Variants in NRG3 observed in about 807,000 individuals in gnomAD.
NRG3 encodes the protein neuregulin 3, also known as pro-neuregulin-3, membrane-bound isoform.
Under a neutral mutation model 66.9 loss-of-function variants are expected in NRG3, and 31 were observed. That is an observed-to-expected ratio of 0.46 (90% confidence interval 0.35 to 0.63). The LOEUF (loss-of-function observed/expected upper bound fraction) is 0.63. Among genes scored for constraint, NRG3 ranks in the 20% least tolerant of loss-of-function variants. The probability of loss-of-function intolerance (pLI) is 0.00; values close to 1 mark genes in which losing one functional copy is unlikely to be tolerated. For missense variants in NRG3, 910 were observed against 878.9 expected (o/e 1.04, Z -0.45); for synonymous variants, 393 against 359.4 (o/e 1.09, Z -1.06).
chr10:82,935,345 C>T (rs1847959403), intron 4 of NRG3, among the ~76,000 whole-genome samples: 3 of 152,106 alleles, frequency 2.0e-5, no homozygotes, highest in African/African-American at 7.2e-5. Context: ...TTCCACACAC[C>T]TTACAGATGA....
intron 2 of NRG3, among the ~76,000 whole-genome samples, chr10:82,603,688 G>A (rs891765281): frequency 3.3e-5 from 5 of 152,072 alleles, no homozygotes; most frequent in African/African-American, 1.2e-4. Flanking sequence ...AAAGTCTCAG[G>A]TGAAGTTATT....
At position 82,159,081 on chromosome 10, in the gene NRG3, G is replaced by A. The variant is rs190615166; in HGVS notation, c.824-199658G>A. On this transcript the variant is annotated intron_variant, in intron 1 of 8. Coordinates refer to ENST00000372141, the MANE Select transcript of NRG3 (RefSeq NM_001010848.4). Reference sequence around the variant, plus strand: ...AGACAAACAAAAAATTAAAATAGAAGACCAACTATGAAAATAATGATTTGA... The same window carrying A: ...AGACAAACAAAAAATTAAAATAGAAAACCAACTATGAAAATAATGATTTGA... Among the ~76,000 whole-genome samples, 139 of 151,880 alleles carry A rather than the reference G, an allele frequency of 9.2e-4. 1 individual carries two copies. The highest frequency in any genetic ancestry group is 3.2e-3 in the African/African-American group (133 of 41,504).
intron 2 of NRG3, among the ~76,000 whole-genome samples, chr10:82,736,448 G>A (rs2644205): frequency 0.59 from 90,290 of 152,080 alleles, 27,168 homozygotes; most frequent in East Asian, 0.65. Context: ...GCAGTGACTC[G>A]CCTCCTTAAC....
chr10:82,692,716 C>G (rs1232576495), intron 2 of NRG3, among the ~76,000 whole-genome samples: 6 of 152,226 alleles, frequency 3.9e-5, no homozygotes, highest in Admixed American at 3.3e-4. Context: ...GGCAAGCCCC[C>G]TGTGCAGTTC....
chr10:82,758,527 T>C (rs2059170885), intron 3 of NRG3, among the ~76,000 whole-genome samples: 1 of 152,094 alleles, frequency 6.6e-6, no homozygotes, highest in Admixed American at 6.6e-5. Flanking sequence ...TTGCAAGATA[T>C]GATAAGACTC....
chr10:82,369,764 G>T (rs2135723403), intron 2 of NRG3, among the ~76,000 whole-genome samples: 1 of 138,894 alleles, frequency 7.2e-6, no homozygotes, highest in East Asian at 2.1e-4. Flanking sequence ...ATACTATGTG[G>T]ATTTTTCTTA....
chr10:82,779,701 T>C (rs1443857511), intron 3 of NRG3, among the ~76,000 whole-genome samples: 1 of 152,094 alleles, frequency 6.6e-6, no homozygotes, highest in African/African-American at 2.4e-5. Context: ...ATGTTTTCTA[T>C]TTCTTTAGTT....
intron 1 of NRG3, among the ~76,000 whole-genome samples, chr10:82,246,671 A>G (rs1188331916): frequency 6.6e-6 from 1 of 152,178 alleles, no homozygotes; most frequent in Non-Finnish European, 1.5e-5. Context: ...TCAAACACAG[A>G]GCAGAAAAAA....
chr10:82,843,415 C>T (rs924430333), intron 3 of NRG3, among the ~76,000 whole-genome samples: 4 of 152,142 alleles, frequency 2.6e-5, no homozygotes, highest in African/African-American at 9.7e-5. Context: ...CAATCCTAGA[C>T]TTTCCAGTCT....
chr10:82,566,660 A>T (rs537221578), intron 2 of NRG3, among the ~76,000 whole-genome samples: 140 of 152,142 alleles, frequency 9.2e-4, no homozygotes, highest in African/African-American at 3.2e-3. Flanking sequence ...ATTTGAAAAG[A>T]AAAGACCATG....
rs186773074 is a variant in NRG3 at position 82,301,950 on chromosome 10, A to C, written c.824-56789A>C. ...TCTGTTTAACAATCTTAGTTAATAG[A>C]CTACCTTTTGATATGAAAATTGACT... is the stretch of plus-strand genomic sequence containing the variant. On this transcript the variant is annotated intron_variant, in intron 1 of 8. Coordinates refer to ENST00000372141, the MANE Select transcript of NRG3 (RefSeq NM_001010848.4). Among the ~76,000 whole-genome samples, 13 of 151,996 alleles carry C rather than the reference A, an allele frequency of 8.6e-5. No individual in the cohort carries two copies. The East Asian group carries it at 2.5e-3, about 29-fold the overall frequency.
At chr10:81,935,061 C>G (rs1486781006) in intron 1 of NRG3, among the ~76,000 whole-genome samples, 1 of 152,134 alleles carries the variant, frequency 6.6e-6, no homozygotes, top group Non-Finnish European at 1.5e-5. Flanking sequence ...TTATTTTATT[C>G]ATGGATTAAA....
chr10:82,025,111 C>T (rs1393315822), intron 1 of NRG3, among the ~76,000 whole-genome samples: 1 of 151,772 alleles, frequency 6.6e-6, no homozygotes, highest in African/African-American at 2.4e-5. Context: ...GTTTTTATGT[C>T]ATTTCAAATA....
intron 3 of NRG3, among the ~76,000 whole-genome samples, chr10:82,847,111 G>A (rs111913096): frequency 1.3e-3 from 200 of 152,260 alleles, no homozygotes; most frequent in African/African-American, 4.5e-3. Context: ...AGCTGCCTTC[G>A]AATTGCAGGA....
intron 4 of NRG3, among the ~76,000 whole-genome samples, chr10:82,939,070 A>T (rs192924908): frequency 2.6e-5 from 4 of 152,334 alleles, no homozygotes. Flanking sequence ...TGTGGAAGAA[A>T]TAGCACTTGG....
chr10:82,888,279 G>A (rs898207470), intron 4 of NRG3, among the ~76,000 whole-genome samples: 2 of 152,070 alleles, frequency 1.3e-5, no homozygotes, highest in African/African-American at 2.4e-5. Flanking sequence ...CACTCACATA[G>A]CAAACATTAA....
intron 1 of NRG3, among the ~76,000 whole-genome samples, chr10:81,899,445 G>A (rs1216221018): frequency 6.6e-6 from 1 of 152,250 alleles, no homozygotes; most frequent in African/African-American, 2.4e-5. Context: ...AGGATGAGCT[G>A]TGATTGGGTG....
chr10:82,295,556 C>T (rs1322545181), intron 1 of NRG3, among the ~76,000 whole-genome samples: 2 of 152,130 alleles, frequency 1.3e-5, no homozygotes, highest in African/African-American at 4.8e-5. Flanking sequence ...TTCCATACCG[C>T]TGGAGCTGGG....
chr10:82,207,307 G>A (rs1330271070), intron 1 of NRG3, among the ~76,000 whole-genome samples: 1 of 152,018 alleles, frequency 6.6e-6, no homozygotes, highest in Admixed American at 6.6e-5. Flanking sequence ...AATCCAAAGG[G>A]AAAATATATA....
Sources: allele counts gnomAD v4.1 joint callset (sites outside exome capture counted in the v4.1 genomes callset), GRCh38; gene constraint gnomAD v4.1.1; transcripts MANE v1.5; gene names NCBI Gene and HGNC (gene_info 2026-07-23, HGNC 2026-07-21).